Variants in GDAP1 observed in about 807,000 individuals in gnomAD.
The protein encoded by GDAP1 is ganglioside-induced differentiation-associated protein 1.
GDAP1 carries 34 observed loss-of-function variants against 40.1 expected under a neutral mutation model. That is an observed-to-expected ratio of 0.85 (90% CI 0.64 to 1.13). GDAP1 has a LOEUF of 1.13. Ranked by LOEUF, GDAP1 falls within the 50% of genes most tolerant of loss-of-function variation. The pLI is 0.00. For missense variants in GDAP1, 374 were observed against 433.7 expected (o/e 0.86, Z 1.22); for synonymous variants, 170 against 157.4 (o/e 1.08, Z -0.60).
chr8:74,382,176 C>T (rs986119237), intron 2 of GDAP1, among the ~76,000 whole-genome samples: 2 of 152,108 alleles, frequency 1.3e-5, no homozygotes, highest in African/African-American at 2.4e-5. Context: ...TCTTTGGCCA[C>T]TTTAAGCTAT....
intron 2 of GDAP1, among the ~76,000 whole-genome samples, chr8:74,352,966 A>G (rs1182576391): frequency 3.9e-5 from 6 of 152,194 alleles, no homozygotes; most frequent in Admixed American, 3.9e-4. Flanking sequence ...TACTATCATC[A>G]TTCCCCTCCT....
At chr8:74,445,772 A>G (rs1806219557) in intron 2 of GDAP1, among the ~76,000 whole-genome samples, 1 of 152,210 alleles carries the variant, frequency 6.6e-6, no homozygotes, top group Non-Finnish European at 1.5e-5. Flanking sequence ...ATCATTTGAT[A>G]TAACTCCTGG....
chr8:74,473,241 A>C (rs922570875), intron 2 of GDAP1, among the ~76,000 whole-genome samples: 3 of 152,116 alleles, frequency 2.0e-5, no homozygotes, highest in Admixed American at 1.3e-4. Flanking sequence ...CCAATTCTGT[A>C]GGTGGTCTGT....
At chr8:74,461,973 A>G (rs1385648531) in intron 2 of GDAP1, among the ~76,000 whole-genome samples, 1 of 152,278 alleles carries the variant, frequency 6.6e-6, no homozygotes, top group Non-Finnish European at 1.5e-5. Flanking sequence ...CAAATGAACA[A>G]TAAAAAGTAT....
chr8:74,420,767 AGT>A (rs1049905118), intron 2 of GDAP1, among the ~76,000 whole-genome samples: 2 of 151,348 alleles, frequency 1.3e-5, no homozygotes, highest in African/African-American at 4.9e-5. Flanking sequence ...ATGGGACCAA[AGT>A]GTGTTCATTG....
downstream of GDAP1, among the ~76,000 whole-genome samples, chr8:74,371,584 C>T (rs201104038): frequency 4.0e-5 from 6 of 151,168 alleles, no homozygotes; most frequent in South Asian, 2.1e-4. Context: ...GGCGTGAACC[C>T]GGGAGGCGGA....
intron 2 of GDAP1, among the ~76,000 whole-genome samples, chr8:74,421,976 C>T (rs897031763): frequency 5.3e-5 from 8 of 151,958 alleles, no homozygotes; most frequent in South Asian, 2.1e-4. Flanking sequence ...TTTGTATCTG[C>T]GAAGTTCTAA....
At chr8:74,372,103 A>G (rs1809764587) in intron 2 of GDAP1, among the ~76,000 whole-genome samples, 1 of 152,050 alleles carries the variant, frequency 6.6e-6, no homozygotes, top group East Asian at 1.9e-4. Flanking sequence ...TGAACTCATC[A>G]TTTTTTATGG....
intron 2 of GDAP1, among the ~76,000 whole-genome samples, chr8:74,435,166 G>C (rs945227251): frequency 1.3e-5 from 2 of 152,120 alleles, no homozygotes; most frequent in Non-Finnish European, 2.9e-5. Context: ...CTCTTTCAAA[G>C]CATTAGGTTA....
intron 2 of GDAP1, among the ~76,000 whole-genome samples, chr8:74,477,523 C>T (rs373954176): frequency 6.6e-6 from 1 of 151,810 alleles, no homozygotes; most frequent in Non-Finnish European, 1.5e-5. Context: ...TGAACTCAGT[C>T]AACTGGCTTT....
rs1327531106 is a variant in GDAP1, at chr8:74,365,432, G to A, written c.*1065G>A. The A allele has an allele frequency of 2.2e-6, 1 of 453,804 alleles. No individual in the cohort carries two copies. Among genetic ancestry groups the A allele is most frequent in the Admixed American group, 2.4e-5 (1 of 42,544 alleles). 28.1% of individuals were successfully genotyped at this position (453,804 alleles called of 1,614,324 possible). On this transcript the variant is annotated 3_prime_UTR_variant, in exon 6 of 6. Transcript: ENST00000220822. ...TTGGGGGGGATACCTCAGTTCATGT[G>A]GAAGGGACAGTCTCGGTGTGTCCCA...
intron 2 of GDAP1, among the ~76,000 whole-genome samples, chr8:74,448,051 T>G (rs568069117): frequency 3.5e-4 from 53 of 152,322 alleles, no homozygotes; most frequent in African/African-American, 1.3e-3. Flanking sequence ...AAACATTAAT[T>G]TTTAAAATCA....
intron 2 of GDAP1, among the ~76,000 whole-genome samples, chr8:74,388,872 G>A (rs1183060701): frequency 1.3e-5 from 2 of 152,130 alleles, no homozygotes; most frequent in Non-Finnish European, 2.9e-5. Context: ...CCTGTATTGG[G>A]TGCATATATA....
chr8:74,467,855 C>T (rs974981746), intron 2 of GDAP1, among the ~76,000 whole-genome samples: 9 of 151,996 alleles, frequency 5.9e-5, no homozygotes, highest in Non-Finnish European at 1.2e-4. Context: ...ACACACATAC[C>T]GTAAAATAAT....
intron 2 of GDAP1, among the ~76,000 whole-genome samples, chr8:74,355,727 T>C (rs562117470): frequency 6.6e-6 from 1 of 152,330 alleles, no homozygotes; most frequent in Non-Finnish European, 1.5e-5. Flanking sequence ...ACATATGTAT[T>C]ACTACCAAAT....
At chr8:74,449,426 A>G (rs902689759) in intron 2 of GDAP1, among the ~76,000 whole-genome samples, 3 of 151,896 alleles carry the variant, frequency 2.0e-5, no homozygotes, top group Non-Finnish European at 4.4e-5. Flanking sequence ...GGGAAGAACT[A>G]TCTTAACAAT....
chr8:74,458,867 G>GT (rs1353172739), intron 2 of GDAP1, among the ~76,000 whole-genome samples: 3 of 33,438 alleles, frequency 9.0e-5, no homozygotes, highest in Admixed American at 2.9e-4. Context: ...ACACCAGGTG[G>GT]GGATTTGAGA....
chr8:74,471,446 CTT>C (rs11306112), intron 2 of GDAP1, among the ~76,000 whole-genome samples: 32 of 150,014 alleles, frequency 2.1e-4, no homozygotes, highest in East Asian at 7.8e-4. Flanking sequence ...GTAAATTTTC[CTT>C]TTTTTTTTAA....
chr8:74,454,303 C>A (rs1806312463), intron 2 of GDAP1, among the ~76,000 whole-genome samples: 1 of 82,174 alleles, frequency 1.2e-5, no homozygotes. Flanking sequence ...CTTTTTGGAT[C>A]AGAAATATGC....
Sources: allele counts gnomAD v4.1 joint callset (sites outside exome capture counted in the v4.1 genomes callset), GRCh38; gene constraint gnomAD v4.1.1; transcripts MANE v1.5; gene names NCBI Gene and HGNC (gene_info 2026-07-23, HGNC 2026-07-21).